The following CCDC6 variants were observed in gnomAD, a reference collection of about 807,000 sequenced individuals.
The protein encoded by CCDC6 is coiled-coil domain-containing protein 6.
Under a neutral mutation model 56.6 loss-of-function variants are expected in CCDC6, and 20 were observed. That is an observed-to-expected ratio of 0.35 (90% confidence interval 0.25 to 0.51). CCDC6 has a LOEUF of 0.51. Among genes scored for constraint, CCDC6 ranks in the 20% least tolerant of loss-of-function variants. The pLI, the probability that CCDC6 is intolerant of heterozygous loss-of-function variation, is 0.95. For missense variants in CCDC6, 367 were observed against 601.1 expected (o/e 0.61, Z 4.07); for synonymous variants, 241 against 234.4 (o/e 1.03, Z -0.26).
intron 1 of CCDC6, among the ~76,000 whole-genome samples, chr10:59,893,224 G>T (rs1207306338): frequency 6.6e-6 from 1 of 152,168 alleles, no homozygotes; most frequent in African/African-American, 2.4e-5. Flanking sequence ...GACTGGAACA[G>T]AGCACATGAC....
At chr10:59,862,135 T>C (rs2071134282) in intron 1 of CCDC6, among the ~76,000 whole-genome samples, 1 of 152,134 alleles carries the variant, frequency 6.6e-6, no homozygotes, top group Non-Finnish European at 1.5e-5. Flanking sequence ...AGGATACTTA[T>C]AATACATTGT....
intron 2 of CCDC6, among the ~76,000 whole-genome samples, chr10:59,849,895 G>A (rs565461038): frequency 5.1e-4 from 77 of 152,332 alleles, no homozygotes; most frequent in African/African-American, 1.8e-3. Context: ...GGCACAAAAT[G>A]TGGGCATTCA....
chr10:59,860,366 C>T (rs2071117700), intron 1 of CCDC6, among the ~76,000 whole-genome samples: 1 of 152,154 alleles, frequency 6.6e-6, no homozygotes, highest in Non-Finnish European at 1.5e-5. Flanking sequence ...ACCCTATCTC[C>T]ATGACCCAGG....
chr10:59,798,665 T>C lies in CCDC6; in HGVS notation c.1106-4068A>G, dbSNP rs546957968. Among the ~76,000 whole-genome samples, 13 of 152,324 alleles carry C rather than the reference T, an allele frequency of 8.5e-5. No individual in the cohort carries two copies. In the South Asian group the frequency reaches 2.7e-3, roughly 32 times the overall value. ...GAGAATAAAATCCTAATTTTATTTC[T>C]TATGAAAGTGATTACATTTAAGAGA... On this transcript the variant is annotated intron_variant, in intron 7 of 8. Coordinates refer to ENST00000263102, the MANE Select transcript of CCDC6 (RefSeq NM_005436.5).
chr10:59,869,666 T>G (rs1461262931), intron 1 of CCDC6, among the ~76,000 whole-genome samples: 1 of 152,114 alleles, frequency 6.6e-6, no homozygotes, highest in Non-Finnish European at 1.5e-5. Context: ...TCCACTCTTG[T>G]GCTCATACAA....
In CCDC6 at chr10:59,900,829, TG is replaced by T. The variant is rs568109197; in HGVS notation, c.303+5292del. On this transcript the variant is annotated intron_variant, in intron 1 of 8. Coordinates refer to ENST00000263102, the MANE Select transcript of CCDC6 (RefSeq NM_005436.5). ...ATCCTAGCACTTTGGGAGGCAGAGG[TG>T]GGTGGATCACTTTAGGCCAGGAGTT... Among the ~76,000 whole-genome samples the T allele has an allele frequency of 2.0e-5, 3 of 152,118 alleles. No homozygotes were observed. In the South Asian group the frequency reaches 6.2e-4, roughly 32 times the overall value.
intron 2 of CCDC6, among the ~76,000 whole-genome samples, chr10:59,844,706 G>A (rs939663510): frequency 2.7e-5 from 4 of 147,730 alleles, no homozygotes; most frequent in African/African-American, 5.0e-5. Context: ...AGGTTGCAGT[G>A]AGCCAAGATC....
In CCDC6 at chr10:59,790,582, A is replaced by G. The variant is rs2070458995; in HGVS notation, c.*2335T>C. 4.5e-6 allele frequency: 1 copy of G among 221,870 alleles called. No homozygotes were observed. Among genetic ancestry groups the G allele is most frequent in the Admixed American group, 5.8e-5 (1 of 17,302 alleles). The allele number at this position is 221,870 out of a possible 1,614,324, so 13.7% of individuals were successfully genotyped here. A position where few individuals can be genotyped will look rare whatever the true frequency, so the allele number is the denominator to read the frequency against. ...AACACTTTAAAGGACACGAACCATC[A>G]AATTCAAAAGAGTAGTGTTTGTTCT... On this transcript the variant is annotated 3_prime_UTR_variant, in exon 9 of 9. Transcript: ENST00000263102.
chr10:59,820,737 G>T (rs2070743331), intron 3 of CCDC6, among the ~76,000 whole-genome samples: 1 of 150,822 alleles, frequency 6.6e-6, no homozygotes, highest in African/African-American at 2.4e-5. Flanking sequence ...GTCAGAGCAA[G>T]ACTCTGTCTC....
intron 7 of CCDC6, among the ~76,000 whole-genome samples, chr10:59,797,845 A>G (rs1426942144): frequency 6.6e-6 from 1 of 152,058 alleles, no homozygotes; most frequent in Admixed American, 6.6e-5. Flanking sequence ...GTCCAATATA[A>G]TGTTCTGTGT....
At chr10:59,793,950 A>C (rs1490359004) in intron 8 of CCDC6, among the ~76,000 whole-genome samples, 1 of 152,188 alleles carries the variant, frequency 6.6e-6, no homozygotes, top group Non-Finnish European at 1.5e-5. Flanking sequence ...CTCTCACTCT[A>C]CTAGCTACAT....
intron 3 of CCDC6, among the ~76,000 whole-genome samples, chr10:59,818,588 G>A (rs1344647739): frequency 3.3e-5 from 5 of 150,354 alleles, no homozygotes; most frequent in South Asian, 2.1e-4. Flanking sequence ...CCAGATACTC[G>A]AGTTTACTTC....
intron 1 of CCDC6, among the ~76,000 whole-genome samples, chr10:59,855,990 G>A (rs2071078239): frequency 6.6e-6 from 1 of 152,180 alleles, no homozygotes; most frequent in African/African-American, 2.4e-5. Context: ...TTATTTCTAA[G>A]CGAAGCTCAT....
At chr10:59,875,347 C>A (rs2071269562) in intron 1 of CCDC6, among the ~76,000 whole-genome samples, 1 of 152,264 alleles carries the variant, frequency 6.6e-6, no homozygotes, top group South Asian at 2.1e-4. Context: ...ATCTGCTCAT[C>A]TAGGGTGGCT....
intron 1 of CCDC6, among the ~76,000 whole-genome samples, chr10:59,904,234 G>T (rs1190150829): frequency 2.0e-5 from 3 of 152,156 alleles, no homozygotes; most frequent in African/African-American, 7.2e-5. Context: ...CACCTTATAC[G>T]CTCTTCTAGC....
chr10:59,896,970 G>A (rs1274581539), intron 1 of CCDC6, among the ~76,000 whole-genome samples: 1 of 150,310 alleles, frequency 6.7e-6, no homozygotes, highest in African/African-American at 2.5e-5. Context: ...TACTTTCCAA[G>A]GGACATAAAC....
At chr10:59,838,017 TAGAA>T (rs2070899906) in intron 2 of CCDC6, among the ~76,000 whole-genome samples, 1 of 152,148 alleles carries the variant, frequency 6.6e-6, no homozygotes, top group African/African-American at 2.4e-5. Context: ...TCTCAGAACA[TAGAA>T]AGTCTCTCAA....
chr10:59,904,938 C>T (rs114489613), intron 1 of CCDC6, among the ~76,000 whole-genome samples: 2,208 of 152,328 alleles, frequency 0.014, 60 homozygotes, highest in African/African-American at 0.051. Context: ...CCTAAACTTG[C>T]TCCATTTCCA....
At chr10:59,892,570 T>C (rs75353079) in intron 1 of CCDC6, among the ~76,000 whole-genome samples, 2,553 of 152,300 alleles carry the variant, frequency 0.017, 30 homozygotes, top group Middle Eastern at 0.044. Context: ...TCTTATAGGA[T>C]TATCTAGAGC....
Sources: allele counts gnomAD v4.1 joint callset (sites outside exome capture counted in the v4.1 genomes callset), GRCh38; gene constraint gnomAD v4.1.1; transcripts MANE v1.5; gene names NCBI Gene and HGNC (gene_info 2026-07-23, HGNC 2026-07-21).